TBX2: variants seen among roughly 807,000 people sequenced by gnomAD.
The protein encoded by TBX2 is T-box transcription factor TBX2.
TBX2 carries 19 observed loss-of-function variants against 48.4 expected under a neutral mutation model. The observed-to-expected ratio is 0.39, with a 90% confidence interval of 0.27 to 0.58. TBX2 has a LOEUF of 0.58. TBX2 is among the 20% of genes least tolerant of loss of function. The pLI, the probability that TBX2 is intolerant of heterozygous loss-of-function variation, is 0.54. For missense variants in TBX2, 994 were observed against 1,006.5 expected, an observed-to-expected ratio of 0.99 and a Z score of 0.17; for synonymous variants, 522 against 459.7, an observed-to-expected ratio of 1.14 and a Z score of -1.73.
chr17:61,408,537 G>A lies in TBX2; in HGVS notation c.*31G>A, dbSNP rs1349878760. 1 of 1,427,610 alleles carries A rather than the reference G, an allele frequency of 7.0e-7. No homozygotes were observed. The highest frequency in any genetic ancestry group is 9.2e-7 in the Non-Finnish European group (1 of 1,092,808). 88.4% of individuals were successfully genotyped at this position (1,427,610 alleles called of 1,614,324 possible). ...TGCCCAGCTGCTCCCCTGCCACGCAGGCCACCCGGGCTGCCTGCCCCTGCT... is the reference window on the plus strand; with the variant it reads ...TGCCCAGCTGCTCCCCTGCCACGCAAGCCACCCGGGCTGCCTGCCCCTGCT... On this transcript the variant is annotated 3_prime_UTR_variant, in exon 7 of 7. Transcript: ENST00000240328.
At chr17:61,402,972 A>AGGGAGAGAGAG (rs2060270779) in intron 2 of TBX2, 89 bp from the exon 3 acceptor site, 1 of 725,352 alleles carries the variant, frequency 1.4e-6, no homozygotes, top group Admixed American at 6.6e-5. Flanking sequence ...GAGAGAGAGA[A>AGGGAGAGAGAG]AGTGGAGAGG....
rs138254235 is a variant in TBX2, at chr17:61,400,864, C to T, written c.395+293C>T. ...GAGTCCCAGCGCAGAGGAGGCCCCGCGGCTTGGCCCTGGCGGTCTCCTCCG... is the reference window on the plus strand; with the variant it reads ...GAGTCCCAGCGCAGAGGAGGCCCCGTGGCTTGGCCCTGGCGGTCTCCTCCG... On this transcript the variant is annotated intron_variant, in intron 1 of 6. Transcript: ENST00000240328. This position sits in a 1 kb window ranked among gnomAD's most constrained non-coding sequence, Gnocchi z 9.2. Among the ~76,000 whole-genome samples the T allele has an allele frequency of 3.7e-4, 56 of 152,350 alleles. No homozygotes were observed. The highest frequency in any genetic ancestry group is 6.6e-4 in the Non-Finnish European group (45 of 68,024).
Position 61,405,183 on chromosome 17 carries a change from G to A in TBX2, c.1052-19G>A. Reference sequence around the variant, plus strand: ...GCCTCCGCCCAGGCCCCTGTAATCCGCGCGCCCTCTCCCCGCAGCTGAGGA... The same window carrying A: ...GCCTCCGCCCAGGCCCCTGTAATCCACGCGCCCTCTCCCCGCAGCTGAGGA... On this transcript the variant is annotated intron_variant, in intron 5 of 6. Coordinates refer to ENST00000240328, the MANE Select transcript of TBX2 (RefSeq NM_005994.4). 1 of 1,479,460 alleles carries A rather than the reference G, an allele frequency of 6.8e-7. No homozygotes were observed. The highest frequency in any genetic ancestry group is 8.9e-7 in the Non-Finnish European group (1 of 1,121,106). 91.6% of individuals were successfully genotyped at this position (1,479,460 alleles called of 1,614,324 possible). A position where few individuals can be genotyped will look rare whatever the true frequency, so the allele number is the denominator to read the frequency against.
In TBX2 at chr17:61,404,474, C is replaced by T. The variant is rs1250231142; in HGVS notation, c.864C>T (p.Thr288=). ...CGTTTGCCAAGGGCTTCCGGGACAC[C>T]GGGAACGGCCGGCGGGAGAAAAGGT... The part of the protein sequence containing the change: ...NNPFAKGFRD[T]GNGRREKRKQ... The change falls in exon 4 of 7, where the codon ACC becomes ACT. Residue 288 remains threonine, a synonymous_variant. Coordinates refer to ENST00000240328, the MANE Select transcript of TBX2 (RefSeq NM_005994.4). 4 of 1,611,914 alleles carry T rather than the reference C, an allele frequency of 2.5e-6. No individual in the cohort carries two copies. The highest frequency in any genetic ancestry group is 1.7e-5 in the Admixed American group (1 of 59,894).
chr17:61,401,276 C>T (rs1460399978), intron 1 of TBX2, among the ~76,000 whole-genome samples: 1 of 152,118 alleles, frequency 6.6e-6, no homozygotes, highest in Non-Finnish European at 1.5e-5. Flanking sequence ...AATACAAACA[C>T]CCTCCAGATT....
intron 5 of TBX2, 48 bp from the exon 6 acceptor site, chr17:61,405,154 G>A (rs1206016483): frequency 6.8e-7 from 1 of 1,466,732 alleles, no homozygotes; most frequent in Non-Finnish European, 9.0e-7. Context: ...GATCCTGCTC[G>A]TCGGCCTCCG....
At position 61,404,414 on chromosome 17, in the gene TBX2, C is replaced by T. The variant is rs760612551; in HGVS notation, c.811-7C>T. Reference sequence around the variant, plus strand: ...CTGACTTAGCGCCGCCCCCTTGGTCCCCGCAGATCACACAGCTGAAGATCG... The same window carrying T: ...CTGACTTAGCGCCGCCCCCTTGGTCTCCGCAGATCACACAGCTGAAGATCG... On this transcript the variant is annotated splice_polypyrimidine_tract_variant and splice_region_variant and intron_variant, in intron 3 of 6. Coordinates refer to ENST00000240328, the MANE Select transcript of TBX2 (RefSeq NM_005994.4). The T allele has an allele frequency of 1.3e-5, 21 of 1,605,128 alleles. No individual in the cohort carries two copies. Among genetic ancestry groups the T allele is most frequent in the East Asian group, 1.1e-4 (5 of 44,452 alleles).
chr17:61,400,883 T>G lies in TBX2; in HGVS notation c.395+312T>G, dbSNP rs1456469738. Among the ~76,000 whole-genome samples, 1 of 152,188 alleles carries G rather than the reference T, an allele frequency of 6.6e-6. No homozygotes were observed. The highest frequency in any genetic ancestry group is 1.5e-5 in the Non-Finnish European group (1 of 68,034). Reference sequence around the variant, plus strand: ...GCCCCGCGGCTTGGCCCTGGCGGTCTCCTCCGCCCCGCGCTCTCGCTCTTC... The same window carrying G: ...GCCCCGCGGCTTGGCCCTGGCGGTCGCCTCCGCCCCGCGCTCTCGCTCTTC... On this transcript the variant is annotated intron_variant, in intron 1 of 6. Transcript: ENST00000240328. This position sits in a 1 kb window ranked among gnomAD's most constrained non-coding sequence, Gnocchi z 9.2.
At chr17:61,401,367 T>C (rs1403661154) in intron 1 of TBX2, among the ~76,000 whole-genome samples, 8 of 152,202 alleles carry the variant, frequency 5.3e-5, no homozygotes, top group Admixed American at 5.2e-4. Context: ...AGAATATTTC[T>C]AGAGGGCCTA....
intron 3 of TBX2, 60 bp from the exon 4 acceptor site, chr17:61,404,361 C>A: frequency 6.5e-7 from 1 of 1,527,330 alleles, no homozygotes; most frequent in Non-Finnish European, 8.8e-7. Flanking sequence ...CCTCGGGGTG[C>A]CACCGACCAC....
Position 61,400,616 on chromosome 17 carries a change from G to A in TBX2, c.395+45G>A. ...GGAAGGCGCGCGGGCGGGCGGGCGG[G>A]CTGGGGCACGGGACTGCACGGATCA... On this transcript the variant is annotated intron_variant, in intron 1 of 6. Transcript: ENST00000240328. The surrounding 1 kb of genome is among the most constrained non-coding windows in gnomAD (Gnocchi z 9.2). 2 of 1,158,892 alleles carry A rather than the reference G, an allele frequency of 1.7e-6. No homozygotes were observed. Among genetic ancestry groups the A allele is most frequent in the Non-Finnish European group, 1.2e-6 (1 of 802,414 alleles). The allele number at this position is 1,158,892 out of a possible 1,614,324, so 71.8% of individuals were successfully genotyped here.
Position 61,403,057 on chromosome 17 carries a change from G to A in TBX2, c.664-4G>A. The A allele has an allele frequency of 6.2e-7, 1 of 1,603,920 alleles. No homozygotes were observed. Among genetic ancestry groups the A allele is most frequent in the Non-Finnish European group, 8.5e-7 (1 of 1,175,982 alleles). On this transcript the variant is annotated splice_polypyrimidine_tract_variant and splice_region_variant and intron_variant, in intron 2 of 6. Transcript: ENST00000240328. This position sits in a 1 kb window ranked among gnomAD's most constrained non-coding sequence, Gnocchi z 5.8. ...CTGCCGGCTGACCCCCACCCTCCCC[G>A]CAGACCATCCTAAACTCCATGCACA...
chr17:61,402,603 G>C (rs1183418575), intron 2 of TBX2, among the ~76,000 whole-genome samples: 1 of 152,144 alleles, frequency 6.6e-6, no homozygotes, highest in Non-Finnish European at 1.5e-5. Context: ...CCGAAGGTTG[G>C]AATCTCCTCT....
chr17:61,400,409 C>A lies in TBX2; in HGVS notation c.233C>A (p.Ser78Ter). 1 of 1,522,134 alleles carries A rather than the reference C, an allele frequency of 6.6e-7. No individual in the cohort carries two copies. The highest frequency in any genetic ancestry group is 2.5e-5 in the East Asian group (1 of 39,940). The allele number at this position is 1,522,134 out of a possible 1,614,324, so 94.3% of individuals were successfully genotyped here. A position where few individuals can be genotyped will look rare whatever the true frequency, so the allele number is the denominator to read the frequency against. Residue 78 changes from serine to a stop codon, truncating the protein, a stop_gained, in exon 1 of 7, where the codon TCG (serine) becomes TAG (stop). Transcript: ENST00000240328. LOFTEE classifies it high-confidence loss of function. This position sits in a 1 kb window ranked among gnomAD's most constrained non-coding sequence, Gnocchi z 9.2. ...AAAAEAGLHV[S>*]ALGPHPPAAH... ...GCGGCCGAGGCGGGGCTGCACGTCT[C>A]GGCACTGGGCCCGCACCCGCCCGCC...
chr17:61,404,344 C>T, intron 3 of TBX2, 77 bp from the exon 4 acceptor site: 8 of 1,491,248 alleles, frequency 5.4e-6, no homozygotes, highest in Non-Finnish European at 6.3e-6. Context: ...CGGCCAGCAC[C>T]CGCTGACCTC....
At chr17:61,404,059 A>T (rs2060277460) in intron 3 of TBX2, among the ~76,000 whole-genome samples, 1 of 152,184 alleles carries the variant, frequency 6.6e-6, no homozygotes, top group Non-Finnish European at 1.5e-5. Context: ...CTTGCGTGTG[A>T]ACTGCAGTCT....
chr17:61,403,500 T>C lies in TBX2; in HGVS notation c.810+293T>C, dbSNP rs2060274192. On this transcript the variant is annotated intron_variant, in intron 3 of 6. Transcript: ENST00000240328. This position sits in a 1 kb window ranked among gnomAD's most constrained non-coding sequence, Gnocchi z 5.8. Reference sequence around the variant, plus strand: ...ATTAGCTGAGACTCCGGGCCCGCGCTGACATTTTTACATTTTATTCGTTTA... The same window carrying C: ...ATTAGCTGAGACTCCGGGCCCGCGCCGACATTTTTACATTTTATTCGTTTA... 6.6e-6 allele frequency among the ~76,000 whole-genome samples: 1 copy of C among 152,264 alleles called. No individual in the cohort carries two copies. Among genetic ancestry groups the C allele is most frequent in the Non-Finnish European group, 1.5e-5 (1 of 68,042 alleles).
Position 61,403,258 on chromosome 17 carries a change from C to T in TBX2, c.810+51C>T, listed in dbSNP as rs1248429530. On this transcript the variant is annotated intron_variant, in intron 3 of 6. Transcript: ENST00000240328. This position sits in a 1 kb window ranked among gnomAD's most constrained non-coding sequence, Gnocchi z 5.8. The stretch of plus-strand genomic sequence containing the variant: ...GCCCCTGCACTGACGCCCCTCAACA[C>T]GTGCAGGCCCAACCGTCCGTTCATC... 5.6e-6 allele frequency: 9 copies of T among 1,595,496 alleles called. No homozygotes were observed. The highest frequency in any genetic ancestry group is 4.2e-6 in the Non-Finnish European group (5 of 1,176,472).
rs907719064 is a variant in TBX2, at chr17:61,408,641, C to T, written c.*135C>T. 4 of 863,132 alleles carry T rather than the reference C, an allele frequency of 4.6e-6. No individual in the cohort carries two copies. The African/African-American group carries it at 5.3e-5, about 11-fold the overall frequency. 53.5% of individuals were successfully genotyped at this position (863,132 alleles called of 1,614,324 possible). On this transcript the variant is annotated 3_prime_UTR_variant, in exon 7 of 7. Coordinates refer to ENST00000240328, the MANE Select transcript of TBX2 (RefSeq NM_005994.4). The stretch of plus-strand genomic sequence containing the variant: ...TGGGCTGCAGCAGCCGGAATAGAGC[C>T]TCGTCTGGCAAGTCGGGGCCTGGGA...
Sources: gnomAD v4.1 joint callset for allele counts (sites outside exome capture counted in the v4.1 genomes callset) on GRCh38, gnomAD v4.1.1 for gene constraint, Gnocchi (gnomAD v3.1) non-coding constraint, MANE v1.5 for transcripts, NCBI Gene and HGNC (gene_info 2026-07-23, HGNC 2026-07-21) for gene names.